Variants in MYO16 observed in about 807,000 individuals in gnomAD.
MYO16 encodes unconventional myosin-XVI.
In MYO16, 94 loss-of-function variants were observed where a neutral mutation model predicts 205.3. That is an observed-to-expected ratio of 0.46 (90% CI 0.39 to 0.54). The LOEUF is 0.54. MYO16 is among the 20% of genes least tolerant of loss of function. The probability of loss-of-function intolerance (pLI) is 0.00; values close to 1 mark genes in which losing one functional copy is unlikely to be tolerated. For synonymous variants in MYO16, 988 were observed against 954.0 expected, an observed-to-expected ratio of 1.04 and a Z score of -0.66; for missense variants, 2,315 against 2,387.5, an observed-to-expected ratio of 0.97 and a Z score of 0.63.
intron 24 of MYO16, among the ~76,000 whole-genome samples, chr13:109,049,342 T>G (rs1031931412): frequency 6.6e-6 from 1 of 152,108 alleles, no homozygotes; most frequent in African/African-American, 2.4e-5. Context: ...GAGTTCTCTT[T>G]AAAGTCCTGG....
At chr13:108,996,443 C>A (rs928076004) in intron 21 of MYO16, among the ~76,000 whole-genome samples, 3 of 151,926 alleles carry the variant, frequency 2.0e-5, no homozygotes, top group Non-Finnish European at 4.4e-5. Flanking sequence ...AAGTAATGTG[C>A]AATCTGGACA....
chr13:109,003,504 C>T (rs953176326), intron 21 of MYO16, among the ~76,000 whole-genome samples: 2 of 152,148 alleles, frequency 1.3e-5, no homozygotes, highest in African/African-American at 4.8e-5. Flanking sequence ...AATTGGGTTG[C>T]TCTATCCAGA....
At chr13:109,188,819 C>G (rs1262057172) in intron 34 of MYO16, among the ~76,000 whole-genome samples, 1 of 152,142 alleles carries the variant, frequency 6.6e-6, no homozygotes, top group African/African-American at 2.4e-5. Flanking sequence ...CAGGGCCAGG[C>G]GCAGTGGCTC....
intron 23 of MYO16, among the ~76,000 whole-genome samples, chr13:109,025,603 C>G (rs548677218): frequency 6.6e-6 from 1 of 152,138 alleles, no homozygotes; most frequent in South Asian, 2.1e-4. Flanking sequence ...CTTATAGGGG[C>G]TTCTCTTAAA....
At position 108,844,399 on chromosome 13, in the gene MYO16, T is replaced by G. The variant is rs771219665; in HGVS notation, c.1154T>G (p.Met385Arg). The change falls in exon 10 of 35, where the codon ATG (methionine) becomes AGG (arginine). Residue 385 changes from methionine (M) to arginine (R), a missense_variant. By Grantham distance (91) the Met-to-Arg change is moderately conservative. Transcript: ENST00000457511. ...KQDSLLEKDI[M>R]FKDATKGLCK... is the part of the protein sequence containing the mutation. The stretch of plus-strand genomic sequence containing the variant: ...GACAGTTTGTTGGAAAAAGACATTA[T>G]GTTCAAAGATGCAACAAAAGGTCTG... 2 of 1,613,642 alleles carry G rather than the reference T, an allele frequency of 1.2e-6. No individual in the cohort carries two copies. The highest frequency in any genetic ancestry group is 8.5e-7 in the Non-Finnish European group (1 of 1,179,634).
chr13:108,864,586 T>C (rs1878614067), intron 11 of MYO16, among the ~76,000 whole-genome samples: 1 of 152,158 alleles, frequency 6.6e-6, no homozygotes, highest in South Asian at 2.1e-4. Context: ...TGGAATACAT[T>C]GGTGAGATAT....
intron 6 of MYO16, among the ~76,000 whole-genome samples, chr13:108,798,264 C>A (rs150275294): frequency 1.3e-3 from 197 of 152,130 alleles, no homozygotes; most frequent in Non-Finnish European, 2.0e-3. Context: ...TCCATACCTG[C>A]GATGGAATGC....
the MYO16 span, among the ~76,000 whole-genome samples, chr13:108,504,496 C>G: frequency 5.9e-4 from 89 of 151,964 alleles, 1 homozygote; most frequent in Admixed American, 5.2e-3. Flanking sequence ...TCTGTATTTC[C>G]CTTATAACTC....
chr13:108,962,309 A>C (rs1485505735), intron 18 of MYO16, 115 bp from the exon 19 acceptor site: 20 of 729,178 alleles, frequency 2.7e-5, no homozygotes, highest in Non-Finnish European at 4.5e-5. Context: ...TTTTTAAAAT[A>C]CTCATGTTTT....
intron 33 of MYO16, among the ~76,000 whole-genome samples, chr13:109,168,238 C>T (rs1396385351): frequency 1.3e-5 from 2 of 151,878 alleles, no homozygotes; most frequent in Admixed American, 1.3e-4. Flanking sequence ...TTATAATAAA[C>T]TTTAAAAGGC....
chr13:108,861,092 A>G (rs60921283), intron 11 of MYO16, among the ~76,000 whole-genome samples: 3,282 of 152,260 alleles, frequency 0.022, 203 homozygotes, highest in East Asian at 0.21. Context: ...ACAAACAAAC[A>G]AGGTAATATA....
chr13:108,661,581 AC>A (rs750824687), intron 1 of MYO16, among the ~76,000 whole-genome samples: 3 of 152,030 alleles, frequency 2.0e-5, no homozygotes, highest in Non-Finnish European at 2.9e-5. Flanking sequence ...TATTGCCGAG[AC>A]TTTCCTGAGC....
the MYO16 span, among the ~76,000 whole-genome samples, chr13:108,584,914 T>A: frequency 6.6e-6 from 1 of 152,236 alleles, no homozygotes; most frequent in African/African-American, 2.4e-5. Flanking sequence ...GTATAATTTA[T>A]CAATATGATT....
upstream of MYO16, among the ~76,000 whole-genome samples, chr13:108,626,707 A>G (rs187675531): frequency 4.9e-3 from 742 of 151,758 alleles, 7 homozygotes; most frequent in African/African-American, 0.017. Flanking sequence ...GGGAGGCTGA[A>G]ACAGGAGAAT....
chr13:108,929,555 A>G (rs1363668125), intron 16 of MYO16, among the ~76,000 whole-genome samples: 2 of 152,238 alleles, frequency 1.3e-5, no homozygotes, highest in Non-Finnish European at 2.9e-5. Context: ...CATCATACAT[A>G]TGATAGTTGA....
At chr13:109,007,162 G>A (rs1594463723) in intron 21 of MYO16, among the ~76,000 whole-genome samples, 1 of 152,190 alleles carries the variant, frequency 6.6e-6, no homozygotes. Flanking sequence ...GCCAAGGCGG[G>A]TGGATCACGA....
intron 6 of MYO16, among the ~76,000 whole-genome samples, chr13:108,803,651 T>A (rs572223900): frequency 6.6e-6 from 1 of 152,270 alleles, no homozygotes; most frequent in Admixed American, 6.5e-5. Flanking sequence ...TTACAGGAGA[T>A]CCCTTCTAGA....
At chr13:108,608,481 C>A (rs1030789955) in intron 1 of MYO16, among the ~76,000 whole-genome samples, 1 of 152,162 alleles carries the variant, frequency 6.6e-6, no homozygotes, top group African/African-American at 2.4e-5. Flanking sequence ...TAAATTACAC[C>A]ATTCCTGTTC....
intron 19 of MYO16, among the ~76,000 whole-genome samples, chr13:108,964,532 G>A (rs759088295): frequency 2.0e-5 from 3 of 152,208 alleles, no homozygotes; most frequent in South Asian, 2.1e-4. Context: ...AAGGTGGAAC[G>A]CTGTGGTCAA....
Sources: gnomAD v4.1 joint callset for allele counts (sites outside exome capture counted in the v4.1 genomes callset) on GRCh38, gnomAD v4.1.1 for gene constraint, MANE v1.5 for transcripts, NCBI Gene and HGNC (gene_info 2026-07-23, HGNC 2026-07-21) for gene names.